Variants in CEP112 observed in about 807,000 individuals in gnomAD.
The protein encoded by CEP112 is centrosomal protein 112.
CEP112 carries 127 observed loss-of-function variants against 153.0 expected under a neutral mutation model. The ratio of observed to expected loss-of-function variants is 0.83; its 90% CI spans 0.72 to 0.96. The LOEUF (loss-of-function observed/expected upper bound fraction) is 0.96, where lower values mean the gene tolerates loss of function less well. Ranked by LOEUF, CEP112 falls within the 40% of genes least tolerant of loss-of-function variation. CEP112 has a pLI of 0.00. For missense variants in CEP112, 1,089 were observed against 1,101.2 expected (o/e 0.99, Z 0.16); for synonymous variants, 358 against 374.4 (o/e 0.96, Z 0.51).
chr17:65,905,105 G>C (rs892175684), intron 19 of CEP112, among the ~76,000 whole-genome samples: 1 of 152,122 alleles, frequency 6.6e-6, no homozygotes, highest in Non-Finnish European at 1.5e-5. Context: ...TGACAAATGG[G>C]ATCTAATTAA....
intron 24 of CEP112, among the ~76,000 whole-genome samples, chr17:65,679,129 CTTTTTTTTTTTTTTTTTTTTTTTTTTT>C (rs57907674): frequency 0.022 from 698 of 31,632 alleles, 26 homozygotes; most frequent in African/African-American, 0.062. Context: ...GTGGTTCAAG[CTTTTTTTTTTTTTTTTTTTTTTTTTTT>C]TTTTTTTTTT....
At chr17:66,179,321 A>G (rs1230819083) in intron 2 of CEP112, among the ~76,000 whole-genome samples, 1 of 152,190 alleles carries the variant, frequency 6.6e-6, no homozygotes, top group African/African-American at 2.4e-5. Flanking sequence ...ATTCCAATCC[A>G]TGAACATAGG....
At chr17:65,835,344 C>A (rs187051221) in intron 21 of CEP112, among the ~76,000 whole-genome samples, 6 of 152,156 alleles carry the variant, frequency 3.9e-5, no homozygotes, top group African/African-American at 1.2e-4. Context: ...ATACCATCCA[C>A]GCACAGGAAG....
At chr17:66,030,828 G>T (rs1011963736) in intron 12 of CEP112, among the ~76,000 whole-genome samples, 1 of 152,162 alleles carries the variant, frequency 6.6e-6, no homozygotes, top group Non-Finnish European at 1.5e-5. Context: ...TAATAAGTGT[G>T]AGCAATAAGG....
chr17:66,139,662 T>TTCTTAC (rs1474068534), intron 4 of CEP112, among the ~76,000 whole-genome samples: 16 of 152,084 alleles, frequency 1.1e-4, no homozygotes, highest in Non-Finnish European at 2.4e-4. Context: ...TGAGCAACAG[T>TTCTTAC]ATGCCAATGT....
At chr17:66,147,365 G>C (rs1598436655) in intron 4 of CEP112, among the ~76,000 whole-genome samples, 1 of 151,850 alleles carries the variant, frequency 6.6e-6, no homozygotes, top group African/African-American at 2.4e-5. Flanking sequence ...TTGTTGTTGA[G>C]ATGAGTTCTT....
chr17:65,809,557 A>G (rs181840645), intron 21 of CEP112, among the ~76,000 whole-genome samples: 1 of 152,310 alleles, frequency 6.6e-6, no homozygotes, highest in East Asian at 1.9e-4. Flanking sequence ...TTGAAGCAGC[A>G]GGAATTTTTG....
rs184068528 is a variant in CEP112, at chr17:66,162,700, G to C, written c.470+12344C>G. Among the ~76,000 whole-genome samples the C allele has an allele frequency of 1.2e-3, 190 of 152,192 alleles. 1 individual carries two copies. The highest frequency in any genetic ancestry group is 2.1e-3 in the Admixed American group (32 of 15,286). ...TTTATGAATCAAAAACAATGAAAAC[G>C]AATCTATGGTAACATAATACAGAAT... On this transcript the variant is annotated intron_variant, in intron 4 of 26. Coordinates refer to ENST00000535342, the MANE Select transcript of CEP112 (RefSeq NM_001199165.4).
At position 66,123,535 on chromosome 17, in the gene CEP112, C is replaced by T. The variant is rs189075645; in HGVS notation, c.642+6211G>A. Among the ~76,000 whole-genome samples, 403 of 152,306 alleles carry T rather than the reference C, an allele frequency of 2.6e-3. 2 individuals carry two copies. Among genetic ancestry groups the T allele is most frequent in the African/African-American group, 8.9e-3 (369 of 41,564 alleles). ...TTTCTTGAATAAATGTCTTCATTTG[C>T]TCTATGCCTTTAGGACAATTTCCAG... is the stretch of plus-strand genomic sequence containing the variant. On this transcript the variant is annotated intron_variant, in intron 6 of 26. Transcript: ENST00000535342.
chr17:65,937,442 G>A (rs199946886), intron 18 of CEP112, among the ~76,000 whole-genome samples: 1 of 80,082 alleles, frequency 1.2e-5, no homozygotes, highest in African/African-American at 4.2e-5. Flanking sequence ...CCGTCTGGGA[G>A]GTGAGGAGCG....
chr17:65,828,036 C>CA (rs1293013556), intron 21 of CEP112, among the ~76,000 whole-genome samples: 1 of 152,170 alleles, frequency 6.6e-6, no homozygotes, highest in African/African-American at 2.4e-5. Context: ...ACTTATGCAG[C>CA]ATGTTCATGG....
chr17:65,793,189 A>G (rs1483695751), intron 21 of CEP112, among the ~76,000 whole-genome samples: 1 of 152,198 alleles, frequency 6.6e-6, no homozygotes, highest in African/African-American at 2.4e-5. Flanking sequence ...GCACTGAATA[A>G]TATTCCATTG....
intron 18 of CEP112, among the ~76,000 whole-genome samples, chr17:65,943,318 A>T (rs1315152181): frequency 2.0e-5 from 3 of 152,236 alleles, no homozygotes; most frequent in Non-Finnish European, 4.4e-5. Flanking sequence ...AGTGTGGGTG[A>T]AGAAAGGTAT....
chr17:65,998,609 T>C (rs2063888725), intron 17 of CEP112, among the ~76,000 whole-genome samples: 1 of 151,942 alleles, frequency 6.6e-6, no homozygotes, highest in African/African-American at 2.4e-5. Context: ...CATATGATTT[T>C]ATAAGGCAAT....
At chr17:66,001,215 G>A (rs537115858) in intron 17 of CEP112, among the ~76,000 whole-genome samples, 12 of 152,298 alleles carry the variant, frequency 7.9e-5, no homozygotes, top group Non-Finnish European at 1.3e-4. Context: ...TGTGGTCTGC[G>A]TGAGCTTTTT....
intron 16 of CEP112, among the ~76,000 whole-genome samples, chr17:66,025,005 T>C (rs1178499960): frequency 6.6e-6 from 1 of 152,140 alleles, no homozygotes; most frequent in African/African-American, 2.4e-5. Context: ...CCAAATGATC[T>C]TTGACAAAGT....
In CEP112 at chr17:65,637,169, C is replaced by T; in HGVS notation, c.2819G>A (p.Arg940Lys). 6.2e-7 allele frequency: 1 copy of T among 1,614,012 alleles called. No individual in the cohort carries two copies. The highest frequency in any genetic ancestry group is 8.5e-7 in the Non-Finnish European group (1 of 1,179,912). ...CAGTTCTTCCTGAAGGATGGAAGCT[C>T]TCTTTTGCAGAAAATTAACCTAGAA... is the stretch of plus-strand genomic sequence containing the variant. ...LKSQVNFLQK[R>K]ASILQEELTT... Residue 940 changes from arginine (R) to lysine (K), a missense_variant, in exon 26 of 27, where the codon AGA becomes AAA. By Grantham distance (26) the Arg-to-Lys change is conservative. Transcript: ENST00000535342.
intron 16 of CEP112, among the ~76,000 whole-genome samples, chr17:66,011,416 C>T (rs972923305): frequency 1.3e-5 from 2 of 152,020 alleles, no homozygotes; most frequent in African/African-American, 4.8e-5. Context: ...GATTCTGGTA[C>T]ATTTTATCTT....
intron 24 of CEP112, among the ~76,000 whole-genome samples, chr17:65,667,585 A>AC (rs59691344): frequency 6.6e-6 from 1 of 151,600 alleles, no homozygotes; most frequent in East Asian, 1.9e-4. Flanking sequence ...ACACACACAC[A>AC]AAACCTATCG....
Sources: allele counts gnomAD v4.1 joint callset (sites outside exome capture counted in the v4.1 genomes callset), GRCh38; gene constraint gnomAD v4.1.1; transcripts MANE v1.5; gene names NCBI Gene and HGNC (gene_info 2026-07-23, HGNC 2026-07-21).